The following MTCL1 variants were observed in gnomAD, a reference collection of about 807,000 sequenced individuals.
MTCL1 encodes the protein microtubule crosslinking factor 1, also known as microtubule cross-linking factor 1.
MTCL1 carries 79 observed loss-of-function variants against 141.4 expected under a neutral mutation model. That is an observed-to-expected ratio of 0.56 (90% CI 0.47 to 0.67). The LOEUF is 0.67. Ranked by LOEUF, MTCL1 falls within the 30% of genes least tolerant of loss-of-function variation. The pLI, the probability that MTCL1 is intolerant of heterozygous loss-of-function variation, is 0.00. For missense variants in MTCL1, 2,177 were observed against 2,113.9 expected, an observed-to-expected ratio of 1.03 and a Z score of -0.59; for synonymous variants, 914 against 875.8, an observed-to-expected ratio of 1.04 and a Z score of -0.77.
intron 10 of MTCL1, among the ~76,000 whole-genome samples, chr18:8,799,632 T>C (rs2076046660): frequency 6.6e-6 from 1 of 152,202 alleles, no homozygotes; most frequent in Admixed American, 6.5e-5. Context: ...TGTCATTCAA[T>C]CCCATAAAGC....
At chr18:8,706,188 C>T (rs11661629) in exon 1 of MTCL1, 437,019 of 1,224,556 alleles carry the variant, frequency 0.36, 81,845 homozygotes, top group Non-Finnish European at 0.38. Flanking sequence ...CCGTCGGCCC[C>T]CCGACCCCGG....
chr18:8,776,989 C>CT (rs200612309), intron 4 of MTCL1, among the ~76,000 whole-genome samples: 2,527 of 152,170 alleles, frequency 0.017, 55 homozygotes, highest in African/African-American at 0.051. Flanking sequence ...AATCCCAGCA[C>CT]TTTGGGAGGC....
chr18:8,712,448 G>T (rs2096099221), upstream of MTCL1, among the ~76,000 whole-genome samples: 1 of 152,228 alleles, frequency 6.6e-6, no homozygotes, highest in South Asian at 2.1e-4. Flanking sequence ...TGTGGCCTGG[G>T]GGTGGAGGGG....
intron 4 of MTCL1, among the ~76,000 whole-genome samples, chr18:8,738,948 A>G (rs1335760597): frequency 6.6e-6 from 1 of 152,178 alleles, no homozygotes; most frequent in Non-Finnish European, 1.5e-5. Context: ...TCTAAAAAAA[A>G]TCATCCTGGC....
chr18:8,719,451 T>C (rs781145932), intron 3 of MTCL1, among the ~76,000 whole-genome samples: 1 of 152,274 alleles, frequency 6.6e-6, no homozygotes, highest in Admixed American at 6.5e-5. Flanking sequence ...CATTTGCTTT[T>C]AGAAAGTAAA....
At chr18:8,831,144 A>C in intron 16 of MTCL1, 1 of 988,732 alleles carries the variant, frequency 1.0e-6, no homozygotes, top group Middle Eastern at 5.2e-4. Flanking sequence ...CAGCTGAATG[A>C]AATCAGAGGT....
chr18:8,734,684 G>T (rs8094051), intron 4 of MTCL1, among the ~76,000 whole-genome samples: 4 of 151,986 alleles, frequency 2.6e-5, no homozygotes, highest in Admixed American at 6.5e-5. Context: ...CTTTTACTGA[G>T]GTGGTGAAAG....
At chr18:8,796,952 CATT>C (rs1324523834) in intron 9 of MTCL1, among the ~76,000 whole-genome samples, 1 of 152,110 alleles carries the variant, frequency 6.6e-6, no homozygotes, top group African/African-American at 2.4e-5. Flanking sequence ...GTGGTGAAGT[CATT>C]ATTATTGTAA....
chr18:8,756,415 GTGTATATATGTGTATATA>G (rs1372679894), intron 4 of MTCL1, among the ~76,000 whole-genome samples: 86 of 140,646 alleles, frequency 6.1e-4, no homozygotes, highest in South Asian at 2.2e-3. Context: ...GTGTGTATAT[GTGTATATATGTGTATATA>G]TGTATATATG....
Position 8,735,631 on chromosome 18 carries a change from C to T in MTCL1, c.357+15135C>T, listed in dbSNP as rs190071808. Among the ~76,000 whole-genome samples the T allele has an allele frequency of 5.9e-5, 9 of 152,228 alleles. No homozygotes were observed. The East Asian group carries it at 1.5e-3, about 26-fold the overall frequency. On this transcript the variant is annotated intron_variant, in intron 4 of 16. Coordinates refer to ENST00000359865, the Ensembl canonical transcript of MTCL1. ...CTCTGTGCATTACTTCTGGAAATTCCTCTAGTTGGGGGGTGGGCATGGAGG... is the reference window on the plus strand; with the variant it reads ...CTCTGTGCATTACTTCTGGAAATTCTTCTAGTTGGGGGGTGGGCATGGAGG...
At chr18:8,762,361 G>A (rs1403548926) in intron 4 of MTCL1, among the ~76,000 whole-genome samples, 1 of 152,260 alleles carries the variant, frequency 6.6e-6, no homozygotes. Flanking sequence ...CATCAGCTGA[G>A]AAGCAGCCAT....
At chr18:8,773,012 T>C (rs192000920) in intron 4 of MTCL1, among the ~76,000 whole-genome samples, 15 of 152,320 alleles carry the variant, frequency 9.8e-5, no homozygotes, top group Admixed American at 4.6e-4. Context: ...ATGTGTATTC[T>C]GAGATGAGCA....
intron 4 of MTCL1, among the ~76,000 whole-genome samples, chr18:8,776,091 G>A (rs1371731403): frequency 6.6e-6 from 1 of 152,172 alleles, no homozygotes; most frequent in Non-Finnish European, 1.5e-5. Context: ...TCTGATACAG[G>A]GTGGGCACCC....
chr18:8,726,120 T>C (rs1227707888), intron 4 of MTCL1, among the ~76,000 whole-genome samples: 1 of 151,190 alleles, frequency 6.6e-6, no homozygotes, highest in Admixed American at 6.6e-5. Flanking sequence ...TGAAAACAGA[T>C]TTAGGACTCT....
At chr18:8,732,763 G>A (rs1159565279) in intron 4 of MTCL1, among the ~76,000 whole-genome samples, 6 of 152,158 alleles carry the variant, frequency 3.9e-5, no homozygotes, top group African/African-American at 1.4e-4. Flanking sequence ...GTGCTGGCAG[G>A]GTGCCGCTCC....
intron 7 of MTCL1, among the ~76,000 whole-genome samples, chr18:8,790,057 T>C (rs2075666060): frequency 6.6e-6 from 1 of 152,206 alleles, no homozygotes; most frequent in East Asian, 1.9e-4. Context: ...CTGTCTGCTG[T>C]TGGGCAGGCA....
chr18:8,726,334 A>G (rs140327779), intron 4 of MTCL1, among the ~76,000 whole-genome samples: 243 of 120,554 alleles, frequency 2.0e-3, no homozygotes, highest in African/African-American at 7.2e-3. Flanking sequence ...TTTATTTCTG[A>G]CAGTTCTGGA....
intron 7 of MTCL1, among the ~76,000 whole-genome samples, chr18:8,789,901 G>A (rs1333014337): frequency 6.6e-6 from 1 of 152,198 alleles, no homozygotes; most frequent in Non-Finnish European, 1.5e-5. Flanking sequence ...TTTTGCCATA[G>A]CACGTTTTGT....
intron 10 of MTCL1, chr18:8,800,573 C>T (rs138020859): frequency 6.6e-6 from 1 of 152,256 alleles, no homozygotes; most frequent in South Asian, 2.1e-4. Context: ...ATGACCTGGG[C>T]GCTTTAGAGC....
Sources: gnomAD v4.1 joint callset for allele counts (sites outside exome capture counted in the v4.1 genomes callset) on GRCh38, gnomAD v4.1.1 for gene constraint, MANE v1.5 for transcripts, NCBI Gene and HGNC (gene_info 2026-07-23, HGNC 2026-07-21) for gene names.